Variants in ADGRG7 observed in about 807,000 individuals in gnomAD.
ADGRG7 encodes the protein adhesion G protein-coupled receptor G7.
In ADGRG7, 82 loss-of-function variants were observed where a neutral mutation model predicts 88.6. The observed-to-expected ratio is 0.93, with a 90% CI of 0.77 to 1.11. ADGRG7 has a LOEUF of 1.11. ADGRG7 is among the 50% of genes most tolerant of loss of function. ADGRG7 has a pLI of 0.00. For missense variants in ADGRG7, 945 were observed against 953.4 expected, an observed-to-expected ratio of 0.99 and a Z score of 0.12; for synonymous variants, 381 against 345.2, an observed-to-expected ratio of 1.10 and a Z score of -1.15.
chr3:100,636,859 T>C (rs1200110767), intron 5 of ADGRG7, among the ~76,000 whole-genome samples: 1 of 152,166 alleles, frequency 6.6e-6, no homozygotes, highest in Non-Finnish European at 1.5e-5. Flanking sequence ...AGTTATTGAT[T>C]GAAAGAAAAC....
intron 6 of ADGRG7, among the ~76,000 whole-genome samples, chr3:100,638,151 C>A (rs2149021532): frequency 6.6e-6 from 1 of 152,340 alleles, no homozygotes. Flanking sequence ...TGCCCTCCAC[C>A]AGTGAAGGCA....
intron 15 of ADGRG7, among the ~76,000 whole-genome samples, chr3:100,674,384 T>C (rs920447040): frequency 1.3e-5 from 2 of 152,320 alleles, no homozygotes; most frequent in East Asian, 3.9e-4. Context: ...CTTTGAGTAG[T>C]GTGGACAGTT....
intron 4 of ADGRG7, among the ~76,000 whole-genome samples, chr3:100,634,171 A>C (rs1278592668): frequency 2.0e-5 from 3 of 152,236 alleles, no homozygotes; most frequent in Non-Finnish European, 2.9e-5. Context: ...AGTTGTACCC[A>C]AATGCACATG....
At chr3:100,610,093 C>A (rs897462801) in intron 1 of ADGRG7, 122 bp downstream of exon 1, 3 of 700,862 alleles carry the variant, frequency 4.3e-6, no homozygotes, top group African/African-American at 1.8e-5. Context: ...ACCAAGGTGC[C>A]ATTTATGGGA....
At chr3:100,622,248 GTCTC>G (rs1299443828) in intron 1 of ADGRG7, among the ~76,000 whole-genome samples, 1 of 136,888 alleles carries the variant, frequency 7.3e-6, no homozygotes, top group African/African-American at 2.7e-5. Flanking sequence ...AAAGATGTAA[GTCTC>G]TCTCTATATT....
In ADGRG7 at chr3:100,621,758, T is replaced by G. The variant is rs531034982; in HGVS notation, c.116-7840T>G. On this transcript the variant is annotated intron_variant, in intron 1 of 15. Transcript: ENST00000273352. ...GAAGATGACTACACTAAACAACAGA[T>G]TTTCAGTGTATAAAACAGGCTTCTA... Among the ~76,000 whole-genome samples the G allele has an allele frequency of 1.8e-4, 28 of 152,276 alleles. No individual in the cohort carries two copies. In the South Asian group the frequency reaches 2.7e-3, roughly 15 times the overall value.
At chr3:100,615,130 G>GTTTGA (rs1707206311) in intron 1 of ADGRG7, among the ~76,000 whole-genome samples, 1 of 152,162 alleles carries the variant, frequency 6.6e-6, no homozygotes, top group Non-Finnish European at 1.5e-5. Context: ...GTTACAAGGA[G>GTTTGA]GTCTGAGTCT....
chr3:100,638,073 C>G (rs1707576388), intron 6 of ADGRG7, among the ~76,000 whole-genome samples: 1 of 152,228 alleles, frequency 6.6e-6, no homozygotes, highest in African/African-American at 2.4e-5. Flanking sequence ...GCTCTCTTAG[C>G]TCCACCATCC....
intron 11 of ADGRG7, among the ~76,000 whole-genome samples, chr3:100,651,655 G>A (rs577622021): frequency 1.3e-5 from 2 of 151,990 alleles, no homozygotes; most frequent in East Asian, 3.9e-4. Context: ...ACAAGCCTGG[G>A]CAATACAGCA....
chr3:100,667,824 G>T (rs1488397377), intron 14 of ADGRG7, among the ~76,000 whole-genome samples: 2 of 151,460 alleles, frequency 1.3e-5, no homozygotes, highest in Non-Finnish European at 2.9e-5. Flanking sequence ...TGCTACCAGG[G>T]TATGAAAAGA....
At chr3:100,629,499 A>G in intron 1 of ADGRG7, 99 bp from the exon 2 acceptor site, 1 of 711,954 alleles carries the variant, frequency 1.4e-6, no homozygotes. Context: ...ATGATACTCA[A>G]AGCAGTGGTT....
chr3:100,631,956 C>A (rs1434992564), intron 3 of ADGRG7, among the ~76,000 whole-genome samples: 1 of 152,052 alleles, frequency 6.6e-6, no homozygotes, highest in Non-Finnish European at 1.5e-5. Flanking sequence ...TATAAGTCCT[C>A]CTGAATTTTT....
chr3:100,664,248 T>G (rs567564328), intron 14 of ADGRG7, among the ~76,000 whole-genome samples: 1 of 152,276 alleles, frequency 6.6e-6, no homozygotes, highest in African/African-American at 2.4e-5. Flanking sequence ...AAAGGCACAG[T>G]ATTAACACAT....
chr3:100,678,952 A>C (rs2094969231), intron 15 of ADGRG7, among the ~76,000 whole-genome samples: 1 of 152,160 alleles, frequency 6.6e-6, no homozygotes, highest in Non-Finnish European at 1.5e-5. Flanking sequence ...TGTGGTGACC[A>C]CTGTGTGGCT....
intron 9 of ADGRG7, 149 bp from the exon 10 acceptor site, chr3:100,646,419 CT>C (rs1707747553): frequency 5.9e-6 from 4 of 676,674 alleles, no homozygotes; most frequent in Non-Finnish European, 7.3e-6. Flanking sequence ...ATTTTATCTC[CT>C]TTTTTCCCTC....
At chr3:100,642,086 A>G (rs1707650152) in intron 6 of ADGRG7, among the ~76,000 whole-genome samples, 1 of 152,210 alleles carries the variant, frequency 6.6e-6, no homozygotes, top group Non-Finnish European at 1.5e-5. Flanking sequence ...CAACCCTGTA[A>G]AAGTGGGAAC....
chr3:100,676,867 T>G (rs1246491292), intron 15 of ADGRG7, among the ~76,000 whole-genome samples: 1 of 152,056 alleles, frequency 6.6e-6, no homozygotes, highest in African/African-American at 2.4e-5. Flanking sequence ...CCTTTTTCCT[T>G]TCTTTTTATA....
At chr3:100,687,626 T>G (rs966758241) in intron 15 of ADGRG7, among the ~76,000 whole-genome samples, 17 of 152,322 alleles carry the variant, frequency 1.1e-4, no homozygotes, top group African/African-American at 3.6e-4. Context: ...CTGCATCTAT[T>G]GAGATAATCA....
chr3:100,650,163 A>T (rs1450713902), intron 11 of ADGRG7, among the ~76,000 whole-genome samples: 7 of 152,220 alleles, frequency 4.6e-5, no homozygotes, highest in Non-Finnish European at 8.8e-5. Context: ...GCAATTTTTT[A>T]AAAAAGTAAT....
Sources: allele counts gnomAD v4.1 joint callset (sites outside exome capture counted in the v4.1 genomes callset), GRCh38; gene constraint gnomAD v4.1.1; transcripts MANE v1.5; gene names NCBI Gene and HGNC (gene_info 2026-07-23, HGNC 2026-07-21).